The following MAML3 variants were observed in gnomAD, a reference collection of about 807,000 sequenced individuals.
MAML3 encodes mastermind-like protein 3.
MAML3 carries 27 observed loss-of-function variants against 101.9 expected under a neutral mutation model. The observed-to-expected ratio is 0.27, with a 90% CI of 0.20 to 0.37. The LOEUF (loss-of-function observed/expected upper bound fraction) is 0.37, where lower values mean the gene tolerates loss of function less well. MAML3 is among the 10% of genes least tolerant of loss of function. The pLI, the probability that MAML3 is intolerant of heterozygous loss-of-function variation, is 1.00. For synonymous variants in MAML3, 501 were observed against 555.9 expected, an observed-to-expected ratio of 0.90 and a Z score of 1.39; for missense variants, 1,316 against 1,444.9, an observed-to-expected ratio of 0.91 and a Z score of 1.45.
At position 139,877,113 on chromosome 4, in the gene MAML3, A is replaced by C. The variant is rs149584634; in HGVS notation, c.2079+12244T>G. Among the ~76,000 whole-genome samples, 7 of 152,366 alleles carry C rather than the reference A, an allele frequency of 4.6e-5. No individual in the cohort carries two copies. The East Asian group carries it at 5.8e-4, about 13-fold the overall frequency. On this transcript the variant is annotated intron_variant, in intron 2 of 4. Coordinates refer to ENST00000509479, the MANE Select transcript of MAML3 (RefSeq NM_018717.5). ...TGGATATAATTTGGGGTCACTATTT[A>C]CTGCTGACTAAATAAAACATATAGG...
At chr4:139,774,841 T>C (rs1001717386) in intron 2 of MAML3, among the ~76,000 whole-genome samples, 11 of 152,152 alleles carry the variant, frequency 7.2e-5, no homozygotes, top group Non-Finnish European at 1.5e-4. Flanking sequence ...CACTGCAAAG[T>C]TGGTGGAAGT....
At chr4:140,066,430 G>A (rs1359737871) in intron 1 of MAML3, among the ~76,000 whole-genome samples, 2 of 152,198 alleles carry the variant, frequency 1.3e-5, no homozygotes, top group Non-Finnish European at 2.9e-5. Context: ...TCTACTTGCT[G>A]TTCTTGACAG....
intron 2 of MAML3, among the ~76,000 whole-genome samples, chr4:139,738,014 T>C (rs961885279): frequency 6.6e-6 from 1 of 152,256 alleles, no homozygotes; most frequent in African/African-American, 2.4e-5. Flanking sequence ...GCTAAATGGG[T>C]CCAGCAAAGC....
At chr4:140,085,914 G>C (rs1161669356) in intron 1 of MAML3, among the ~76,000 whole-genome samples, 1 of 151,656 alleles carries the variant, frequency 6.6e-6, no homozygotes, top group Non-Finnish European at 1.5e-5. Context: ...ATTTCTTCTT[G>C]GCCTCTATCA....
At chr4:140,124,491 A>C (rs1728655467) in intron 1 of MAML3, among the ~76,000 whole-genome samples, 1 of 152,170 alleles carries the variant, frequency 6.6e-6, no homozygotes, top group Non-Finnish European at 1.5e-5. Flanking sequence ...TTTTCTCGTA[A>C]TTTGGGAAAA....
intron 1 of MAML3, among the ~76,000 whole-genome samples, chr4:140,022,042 C>T: frequency 6.6e-6 from 1 of 152,194 alleles, no homozygotes; most frequent in Non-Finnish European, 1.5e-5. Flanking sequence ...AGTCTGGCTC[C>T]AGAGTTCTTG....
intron 1 of MAML3, among the ~76,000 whole-genome samples, chr4:140,118,332 A>G (rs1321474480): frequency 6.6e-6 from 1 of 152,138 alleles, no homozygotes; most frequent in African/African-American, 2.4e-5. Context: ...TCATCTGTAT[A>G]TATATATACA....
At chr4:139,832,276 T>A (rs565421083) in intron 2 of MAML3, among the ~76,000 whole-genome samples, 67 of 145,220 alleles carry the variant, frequency 4.6e-4, no homozygotes, top group African/African-American at 1.2e-3. Flanking sequence ...AGCTATTTTT[T>A]TTTTTATTTT....
At chr4:139,983,314 G>A (rs1239347234) in intron 1 of MAML3, among the ~76,000 whole-genome samples, 5 of 152,054 alleles carry the variant, frequency 3.3e-5, no homozygotes, top group Admixed American at 6.6e-5. Flanking sequence ...CATCTCCAAA[G>A]TTTTGCTTTT....
At position 140,104,350 on chromosome 4, in the gene MAML3, A is replaced by C. The variant is rs531403034; in HGVS notation, c.468+48510T>G. Among the ~76,000 whole-genome samples, 70 of 116,960 alleles carry C rather than the reference A, an allele frequency of 6.0e-4. No individual in the cohort carries two copies. The South Asian group carries it at 0.016, about 27-fold the overall frequency. 76.7% of individuals were successfully genotyped at this position (116,960 alleles called of 152,430 possible). A position where few individuals can be genotyped will look rare whatever the true frequency, so the allele number is the denominator to read the frequency against. ...CAGTGAGCCCTGTCTCAAAAAAAAA[A>C]CCAAACCTATTTTATATATATATAT... On this transcript the variant is annotated intron_variant, in intron 1 of 4. Coordinates refer to ENST00000509479, the MANE Select transcript of MAML3 (RefSeq NM_018717.5).
chr4:139,849,445 G>A (rs1206770425), intron 2 of MAML3, among the ~76,000 whole-genome samples: 1 of 152,114 alleles, frequency 6.6e-6, no homozygotes, highest in African/African-American at 2.4e-5. Context: ...AGAAACACGG[G>A]GCAGAGACAA....
At chr4:139,973,683 C>G (rs1734269005) in intron 1 of MAML3, among the ~76,000 whole-genome samples, 1 of 152,184 alleles carries the variant, frequency 6.6e-6, no homozygotes, top group African/African-American at 2.4e-5. Context: ...GTGAATACCA[C>G]AAGTTCACAC....
chr4:140,024,855 A>T (rs183412257), intron 1 of MAML3, among the ~76,000 whole-genome samples: 1 of 152,336 alleles, frequency 6.6e-6, no homozygotes, highest in African/African-American at 2.4e-5. Flanking sequence ...AGATTGGCTC[A>T]CCTGAGTAGG....
intron 1 of MAML3, among the ~76,000 whole-genome samples, chr4:140,118,913 A>C (rs1431371223): frequency 6.6e-6 from 1 of 152,244 alleles, no homozygotes; most frequent in Non-Finnish European, 1.5e-5. Context: ...GAATGGATGC[A>C]GCATCCTACA....
chr4:140,083,967 CAGAGAG>C (rs72201205), intron 1 of MAML3, among the ~76,000 whole-genome samples: 2,750 of 81,074 alleles, frequency 0.034, 33 homozygotes, highest in Non-Finnish European at 0.048. Context: ...CACACACACA[CAGAGAG>C]AGAGAGAGAG....
intron 2 of MAML3, among the ~76,000 whole-genome samples, chr4:139,804,749 C>G (rs1390845327): frequency 6.6e-6 from 1 of 152,178 alleles, no homozygotes; most frequent in African/African-American, 2.4e-5. Flanking sequence ...ACACTATTTA[C>G]ATTTGTAACA....
chr4:139,972,781 A>C (rs1487840803), intron 1 of MAML3, among the ~76,000 whole-genome samples: 1 of 152,242 alleles, frequency 6.6e-6, no homozygotes. Context: ...GACAATTTGC[A>C]AAGAGGAATT....
intron 1 of MAML3, among the ~76,000 whole-genome samples, chr4:140,102,918 C>T (rs1410435495): frequency 2.0e-5 from 3 of 152,168 alleles, no homozygotes; most frequent in Non-Finnish European, 4.4e-5. Flanking sequence ...GAAGCTGAAG[C>T]TATAGGAAGA....
At chr4:139,924,006 G>A (rs979388092) in intron 1 of MAML3, among the ~76,000 whole-genome samples, 1 of 152,182 alleles carries the variant, frequency 6.6e-6, no homozygotes, top group African/African-American at 2.4e-5. Flanking sequence ...AGTAAGACAT[G>A]AACTCACTCC....
Sources: allele counts gnomAD v4.1 joint callset (sites outside exome capture counted in the v4.1 genomes callset), GRCh38; gene constraint gnomAD v4.1.1; transcripts MANE v1.5; gene names NCBI Gene and HGNC (gene_info 2026-07-23, HGNC 2026-07-21).